CFAP299: variants seen among roughly 807,000 people sequenced by gnomAD.
CFAP299 encodes cilia- and flagella-associated protein 299.
Under a neutral mutation model 27.0 loss-of-function variants are expected in CFAP299, and 21 were observed. That is an observed-to-expected ratio of 0.78 (90% CI 0.55 to 1.12). The LOEUF is 1.12. Ranked by LOEUF, CFAP299 falls within the 50% of genes most tolerant of loss-of-function variation. The pLI is 0.00. For missense variants in CFAP299, 310 were observed against 276.6 expected, an observed-to-expected ratio of 1.12 and a Z score of -0.86; for synonymous variants, 104 against 98.1, an observed-to-expected ratio of 1.06 and a Z score of -0.36.
intron 2 of CFAP299, among the ~76,000 whole-genome samples, chr4:80,571,174 C>A (rs142100982): frequency 3.3e-5 from 5 of 151,934 alleles, no homozygotes; most frequent in Non-Finnish European, 7.4e-5. Flanking sequence ...GTGAGCAGGA[C>A]GGAGTGATCA....
chr4:80,401,360 A>G (rs368779786), intron 2 of CFAP299, among the ~76,000 whole-genome samples: 3 of 152,238 alleles, frequency 2.0e-5, no homozygotes, highest in South Asian at 4.2e-4. Flanking sequence ...AAAATGGTTT[A>G]GTGGACTGGG....
At chr4:80,628,207 G>C (rs1739014126) in intron 3 of CFAP299, among the ~76,000 whole-genome samples, 1 of 151,958 alleles carries the variant, frequency 6.6e-6, no homozygotes, top group Non-Finnish European at 1.5e-5. Flanking sequence ...ATTTTTGACA[G>C]CGGTGTCAAG....
chr4:80,905,872 T>G (rs948304985), intron 4 of CFAP299, among the ~76,000 whole-genome samples: 2 of 152,146 alleles, frequency 1.3e-5, no homozygotes, highest in African/African-American at 4.8e-5. Context: ...AAGATGATAT[T>G]TGGGTGGTGG....
At chr4:80,704,097 G>A (rs1453975460) in intron 3 of CFAP299, among the ~76,000 whole-genome samples, 2 of 151,612 alleles carry the variant, frequency 1.3e-5, no homozygotes, top group Non-Finnish European at 3.0e-5. Context: ...GGGAAAAGAG[G>A]AGTTTTGATA....
chr4:80,707,813 CA>C (rs1721910480), intron 3 of CFAP299, among the ~76,000 whole-genome samples: 1 of 152,122 alleles, frequency 6.6e-6, no homozygotes, highest in South Asian at 2.1e-4. Flanking sequence ...ATCTGTGTAG[CA>C]AACACAAAAT....
chr4:80,506,366 G>C (rs963535521), intron 2 of CFAP299, among the ~76,000 whole-genome samples: 2 of 152,030 alleles, frequency 1.3e-5, no homozygotes, highest in Admixed American at 1.3e-4. Context: ...TAGGAGTTGC[G>C]TGCATGCAAA....
intron 3 of CFAP299, among the ~76,000 whole-genome samples, chr4:80,606,238 G>A (rs1446725412): frequency 6.6e-6 from 1 of 152,106 alleles, no homozygotes; most frequent in Non-Finnish European, 1.5e-5. Context: ...ATGTACAAAG[G>A]TATATAGCCA....
At chr4:80,524,748 T>C (rs1482384055) in intron 2 of CFAP299, among the ~76,000 whole-genome samples, 1 of 152,204 alleles carries the variant, frequency 6.6e-6, no homozygotes, top group East Asian at 1.9e-4. Flanking sequence ...GATGTATTCA[T>C]CATCTATTGA....
intron 2 of CFAP299, among the ~76,000 whole-genome samples, chr4:80,379,331 T>A (rs144861359): frequency 2.6e-5 from 4 of 152,152 alleles, no homozygotes; most frequent in Admixed American, 6.5e-5. Flanking sequence ...GTTTTAATGA[T>A]CTTTTTGAAG....
intron 2 of CFAP299, among the ~76,000 whole-genome samples, chr4:80,490,963 C>T (rs1025294133): frequency 3.4e-5 from 5 of 145,880 alleles, no homozygotes; most frequent in African/African-American, 1.3e-4. Flanking sequence ...CTTACCTCTC[C>T]ATTTTAGGAA....
intron 4 of CFAP299, among the ~76,000 whole-genome samples, chr4:80,903,831 T>G (rs1735053434): frequency 6.6e-6 from 1 of 152,128 alleles, no homozygotes; most frequent in Non-Finnish European, 1.5e-5. Context: ...ACATAGTCTC[T>G]CAAGAGACTT....
chr4:80,582,417 A>G (rs959557028), intron 2 of CFAP299, among the ~76,000 whole-genome samples: 5 of 151,920 alleles, frequency 3.3e-5, no homozygotes, highest in African/African-American at 4.8e-5. Context: ...GGTTCATAGC[A>G]GACACATAAT....
chr4:80,387,304 C>G, intron 2 of CFAP299: 1 of 1,611,090 alleles, frequency 6.2e-7, no homozygotes, highest in South Asian at 1.1e-5. Flanking sequence ...ATGTGTCGAG[C>G]TTTGGGAACG....
Position 80,891,054 on chromosome 4 carries a change from CTTTAG to C in CFAP299, c.476+20924_476+20928del, listed in dbSNP as rs757209181. Among the ~76,000 whole-genome samples the C allele has an allele frequency of 8.0e-3, 1,207 of 151,726 alleles. 5 individuals are homozygous for C. Among genetic ancestry groups the C allele is most frequent in the Middle Eastern group, 0.017 (5 of 294 alleles). On this transcript the variant is annotated intron_variant, in intron 4 of 5. Coordinates refer to ENST00000358105, the MANE Select transcript of CFAP299 (RefSeq NM_152770.3). ...TAGTTTCTTTTGCTGTGCAGAAGCT[CTTTAG>C]TTTAATTAGATCCCATTTGTCAATT...
chr4:80,830,807 A>G (rs1169483133), intron 3 of CFAP299, among the ~76,000 whole-genome samples: 2 of 152,144 alleles, frequency 1.3e-5, no homozygotes, highest in Non-Finnish European at 2.9e-5. Context: ...ACTCAAGATA[A>G]TTAACAAGTG....
At chr4:80,865,303 G>A (rs1218651515) in intron 3 of CFAP299, among the ~76,000 whole-genome samples, 1 of 152,112 alleles carries the variant, frequency 6.6e-6, no homozygotes, top group African/African-American at 2.4e-5. Context: ...TATGCATTTT[G>A]AAATGAATAC....
chr4:80,471,099 A>G (rs988635642), intron 2 of CFAP299, among the ~76,000 whole-genome samples: 9 of 152,138 alleles, frequency 5.9e-5, no homozygotes, highest in African/African-American at 2.2e-4. Flanking sequence ...AAGATCTGAG[A>G]CTTGAGAAGT....
intron 3 of CFAP299, among the ~76,000 whole-genome samples, chr4:80,645,144 A>G (rs181457376): frequency 3.3e-5 from 5 of 152,164 alleles, no homozygotes; most frequent in African/African-American, 1.2e-4. Context: ...GGTCTTTCCC[A>G]CCAGTATTTT....
rs530839921 is a variant in CFAP299 at position 80,622,543 on chromosome 4, TA to T, written c.333+39362del. Among the ~76,000 whole-genome samples, 73 of 152,304 alleles carry T rather than the reference TA, an allele frequency of 4.8e-4. No homozygotes were observed. The East Asian group carries it at 0.014, about 28-fold the overall frequency. On this transcript the variant is annotated intron_variant, in intron 3 of 5. Transcript: ENST00000358105. ...TCTAAAACCATCTTGTTTCATAATA[TA>T]ATAACTTGACTGGCCTTTATAATTT...
Sources: allele counts gnomAD v4.1 joint callset (sites outside exome capture counted in the v4.1 genomes callset), GRCh38; gene constraint gnomAD v4.1.1; transcripts MANE v1.5; gene names NCBI Gene and HGNC (gene_info 2026-07-23, HGNC 2026-07-21).